Variants in RGS20 observed in about 807,000 individuals in gnomAD.
RGS20 encodes regulator of G protein signaling 20.
Under a neutral mutation model 33.6 loss-of-function variants are expected in RGS20, and 30 were observed. The observed-to-expected ratio is 0.89, with a 90% CI of 0.67 to 1.21. The LOEUF (loss-of-function observed/expected upper bound fraction) is 1.21, where lower values mean the gene tolerates loss of function less well. Among genes scored for constraint, RGS20 ranks in the 50% most tolerant of loss-of-function variants. The pLI, the probability that RGS20 is intolerant of heterozygous loss-of-function variation, is 0.00. For synonymous variants in RGS20, 208 were observed against 197.9 expected (o/e 1.05, Z -0.43); for missense variants, 472 against 502.4 (o/e 0.94, Z 0.58).
At chr8:53,941,281 C>T (rs569491033) in intron 3 of RGS20, among the ~76,000 whole-genome samples, 65 of 152,248 alleles carry the variant, frequency 4.3e-4, no homozygotes, top group African/African-American at 1.5e-3. Flanking sequence ...GACAATAGAG[C>T]AATATCTTCA....
At chr8:53,926,861 C>T (rs1046930257) in intron 2 of RGS20, among the ~76,000 whole-genome samples, 19 of 151,690 alleles carry the variant, frequency 1.3e-4, no homozygotes, top group African/African-American at 3.6e-4. Context: ...TACAGTGAGC[C>T]GAGATCACAC....
At chr8:53,873,558 A>G (rs561207254) in intron 1 of RGS20, among the ~76,000 whole-genome samples, 1 of 152,354 alleles carries the variant, frequency 6.6e-6, no homozygotes, top group South Asian at 2.1e-4. Flanking sequence ...GTCATAGCAT[A>G]TATCAGAATT....
At chr8:53,881,212 C>G (rs547735235) in intron 2 of RGS20, 128 bp downstream of exon 1, 2 of 661,720 alleles carry the variant, frequency 3.0e-6, no homozygotes, top group South Asian at 4.9e-5. Flanking sequence ...GCCGTTGCTG[C>G]GGGGCGGGAG....
chr8:53,898,715 C>T (rs371016692), intron 2 of RGS20, among the ~76,000 whole-genome samples: 7 of 152,198 alleles, frequency 4.6e-5, no homozygotes, highest in African/African-American at 1.7e-4. Flanking sequence ...AAAAGCTGAA[C>T]TGTAATTAGT....
intron 2 of RGS20, among the ~76,000 whole-genome samples, chr8:53,921,288 CAG>C (rs1433844374): frequency 1.3e-5 from 2 of 152,060 alleles, no homozygotes; most frequent in East Asian, 3.9e-4. Flanking sequence ...GTTTTGGTAT[CAG>C]AGTAATACTG....
chr8:53,858,535 T>C (rs980476209), intron 1 of RGS20, among the ~76,000 whole-genome samples: 1 of 151,950 alleles, frequency 6.6e-6, no homozygotes, highest in African/African-American at 2.4e-5. Context: ...AAAACCTCTA[T>C]GTACACATAC....
intron 2 of RGS20, among the ~76,000 whole-genome samples, chr8:53,922,943 G>A (rs1401788917): frequency 2.0e-5 from 3 of 152,132 alleles, no homozygotes; most frequent in Non-Finnish European, 4.4e-5. Context: ...TTACAGGCAT[G>A]AGAAAATGTG....
chr8:53,942,897 GA>G lies in RGS20; in HGVS notation c.659+3174del, dbSNP rs1263886912. Reference sequence around the variant, plus strand: ...TGTAGTCCCAGCTACTCTAGAAGCTGAGGTGGAAGGATCACTTGAACCCAGG... The same window carrying G: ...TGTAGTCCCAGCTACTCTAGAAGCTGGGTGGAAGGATCACTTGAACCCAGG... On this transcript the variant is annotated intron_variant, in intron 3 of 5. Transcript: ENST00000297313. 3.3e-5 allele frequency among the ~76,000 whole-genome samples: 5 copies of G among 151,846 alleles called. No homozygotes were observed. In the East Asian group the frequency reaches 9.7e-4, roughly 29 times the overall value.
intron 1 of RGS20, among the ~76,000 whole-genome samples, chr8:53,864,125 C>T (rs769013846): frequency 2.6e-5 from 4 of 152,002 alleles, no homozygotes; most frequent in Non-Finnish European, 5.9e-5. Context: ...ACTATAAAGA[C>T]ATGGGCTTTT....
At chr8:53,863,820 C>T (rs940993171) in intron 1 of RGS20, among the ~76,000 whole-genome samples, 2 of 151,092 alleles carry the variant, frequency 1.3e-5, no homozygotes, top group Admixed American at 1.3e-4. Flanking sequence ...TCTGCTTCCC[C>T]GGTTCAAGCA....
intron 2 of RGS20, among the ~76,000 whole-genome samples, chr8:53,883,142 G>A (rs1812443623): frequency 6.6e-6 from 1 of 151,262 alleles, no homozygotes; most frequent in African/African-American, 2.4e-5. Context: ...TGTTCGTTAA[G>A]TGACATCTTT....
intron 1 of RGS20, among the ~76,000 whole-genome samples, chr8:53,853,572 T>C (rs1811611165): frequency 6.6e-6 from 1 of 152,194 alleles, no homozygotes; most frequent in South Asian, 2.1e-4. Flanking sequence ...CTTTTTATAT[T>C]GCATTTGAAT....
intron 2 of RGS20, among the ~76,000 whole-genome samples, chr8:53,895,963 T>C (rs1156810637): frequency 6.6e-6 from 1 of 151,440 alleles, no homozygotes. Context: ...GGTTTTTACA[T>C]TTTTTAATTG....
At chr8:53,930,538 T>C (rs566895781) in intron 2 of RGS20, among the ~76,000 whole-genome samples, 2 of 152,220 alleles carry the variant, frequency 1.3e-5, no homozygotes, top group Admixed American at 6.5e-5. Flanking sequence ...TTAATTAGGA[T>C]ATGGTTTTGT....
intron 1 of RGS20, among the ~76,000 whole-genome samples, chr8:53,867,096 T>A (rs1811938158): frequency 6.6e-6 from 1 of 152,088 alleles, no homozygotes; most frequent in African/African-American, 2.4e-5. Context: ...AAACTTGTGG[T>A]CATGTCTCCC....
At chr8:53,939,428 A>G in intron 2 of RGS20, 148 bp from the exon 2 acceptor site, 1 of 736,664 alleles carries the variant, frequency 1.4e-6, no homozygotes, top group East Asian at 3.2e-5. Flanking sequence ...TAAGATTCTA[A>G]GCACTAAATT....
chr8:53,920,497 C>T (rs1813610928), intron 2 of RGS20, among the ~76,000 whole-genome samples: 1 of 152,102 alleles, frequency 6.6e-6, no homozygotes, highest in Admixed American at 6.6e-5. Context: ...GATAGTTTTA[C>T]TTCCTTTTCA....
chr8:53,950,941 C>G (rs1420687493), intron 4 of RGS20, among the ~76,000 whole-genome samples: 1 of 152,082 alleles, frequency 6.6e-6, no homozygotes, highest in Non-Finnish European at 1.5e-5. Flanking sequence ...CCCATACTAG[C>G]AGTAAACAAA....
chr8:53,853,178 G>A (rs1811603041), intron 1 of RGS20, among the ~76,000 whole-genome samples: 1 of 152,188 alleles, frequency 6.6e-6, no homozygotes, highest in Non-Finnish European at 1.5e-5. Context: ...GCAGAATGTG[G>A]AGGCTACTTT....
Sources: gnomAD v4.1 joint callset for allele counts (sites outside exome capture counted in the v4.1 genomes callset) on GRCh38, gnomAD v4.1.1 for gene constraint, MANE v1.5 for transcripts, NCBI Gene and HGNC (gene_info 2026-07-23, HGNC 2026-07-21) for gene names.